PPP2R1B: variants seen among roughly 807,000 people sequenced by gnomAD.
PPP2R1B encodes serine/threonine-protein phosphatase 2A 65 kDa regulatory subunit A beta isoform.
In PPP2R1B, 58 loss-of-function variants were observed where a neutral mutation model predicts 72.7. The observed-to-expected ratio is 0.80, with a 90% CI of 0.65 to 0.99. The LOEUF (loss-of-function observed/expected upper bound fraction) is 0.99, where lower values mean the gene tolerates loss of function less well. Among genes scored for constraint, PPP2R1B ranks in the 50% least tolerant of loss-of-function variants. The pLI, the probability that PPP2R1B is intolerant of heterozygous loss-of-function variation, is 0.00. For synonymous variants in PPP2R1B, 256 were observed against 264.6 expected (o/e 0.97, Z 0.32); for missense variants, 695 against 733.6 (o/e 0.95, Z 0.61).
chr11:111,763,304 G>A (rs1259662540), intron 3 of PPP2R1B, among the ~76,000 whole-genome samples: 1 of 152,200 alleles, frequency 6.6e-6, no homozygotes, highest in Admixed American at 6.5e-5. Flanking sequence ...GCCTTTTGCA[G>A]TCTGTTCCCT....
At chr11:111,727,456 C>G (rs977309917) in intron 15 of PPP2R1B, 1 of 204,798 alleles carries the variant, frequency 4.9e-6, no homozygotes, top group Non-Finnish European at 1.0e-5. Flanking sequence ...CAGCCCTTGC[C>G]TCTTGTGTCC....
At chr11:111,756,351 T>C (rs782398966) in intron 5 of PPP2R1B, among the ~76,000 whole-genome samples, 1 of 150,290 alleles carries the variant, frequency 6.7e-6, no homozygotes, top group African/African-American at 2.4e-5. Context: ...AGAGTTTCTA[T>C]AAAGGAAATG....
intron 9 of PPP2R1B, 94 bp from the exon 10 acceptor site, chr11:111,752,426 C>T (rs969606413): frequency 1.1e-5 from 14 of 1,264,622 alleles, no homozygotes; most frequent in Non-Finnish European, 1.5e-5. Context: ...TGAGGTAAGA[C>T]TCAGGTGAAA....
chr11:111,741,885 T>G, intron 14 of PPP2R1B, 168 bp downstream of exon 14: 1 of 760,562 alleles, frequency 1.3e-6, no homozygotes, highest in Non-Finnish European at 2.3e-6. Context: ...GAGAAAATGG[T>G]GGGCCAAGAG....
At chr11:111,737,725 G>A (rs570842171), downstream of PPP2R1B, among the ~76,000 whole-genome samples, 8 of 152,352 alleles carry the variant, frequency 5.3e-5, no homozygotes, top group African/African-American at 1.9e-4. Flanking sequence ...GGCAGAGAAA[G>A]CTGGGGCAGC....
the PPP2R1B span, among the ~76,000 whole-genome samples, chr11:111,720,195 G>A: frequency 6.6e-6 from 1 of 152,190 alleles, no homozygotes; most frequent in Admixed American, 6.5e-5. Context: ...ATGTCTCTGA[G>A]TTGGCTCCCA....
chr11:111,720,820 C>T, the PPP2R1B span: 67 of 1,573,058 alleles, frequency 4.3e-5, no homozygotes, highest in Non-Finnish European at 5.6e-5. Context: ...AGTTTCTTGC[C>T]ATGTTGGTGT....
chr11:111,712,494 G>A, the PPP2R1B span: 6 of 1,086,894 alleles, frequency 5.5e-6, no homozygotes, highest in Non-Finnish European at 7.7e-6. Context: ...ACTCAGGAGT[G>A]ATGCTTTTGT....
the PPP2R1B span, among the ~76,000 whole-genome samples, chr11:111,689,036 G>C: frequency 6.6e-6 from 1 of 152,218 alleles, no homozygotes. Flanking sequence ...TTTGAACTTA[G>C]ACTTGAGAGA....
At chr11:111,735,559 G>C (rs1944315650), downstream of PPP2R1B, among the ~76,000 whole-genome samples, 1 of 152,216 alleles carries the variant, frequency 6.6e-6, no homozygotes, top group African/African-American at 2.4e-5. Context: ...GATCCTGCCT[G>C]GGTGGACACA....
chr11:111,706,909 G>A, the PPP2R1B span, among the ~76,000 whole-genome samples: 151 of 146,712 alleles, frequency 1.0e-3, no homozygotes, highest in South Asian at 1.5e-3. Flanking sequence ...GAAGTGAGCC[G>A]AGATCCCGCC....
intron 13 of PPP2R1B, 61 bp from the exon 14 acceptor site, chr11:111,742,205 G>T: frequency 7.9e-7 from 1 of 1,263,476 alleles, no homozygotes; most frequent in Non-Finnish European, 1.1e-6. Flanking sequence ...ATCCTTTTTG[G>T]TGTATATGGT....
At chr11:111,704,357 C>T in the PPP2R1B span, among the ~76,000 whole-genome samples, 1,371 of 152,270 alleles carry the variant, frequency 9.0e-3, 13 homozygotes, top group South Asian at 0.026. Context: ...TCTGTTCCCT[C>T]AATATCTGGG....
intron 7 of PPP2R1B, 135 bp from the exon 8 acceptor site, chr11:111,754,704 CTAAA>C (rs1945036261): frequency 7.1e-7 from 1 of 1,411,494 alleles, no homozygotes; most frequent in Non-Finnish European, 9.3e-7. Flanking sequence ...AGCTCTTGTT[CTAAA>C]TAAACTTTTT....
At chr11:111,710,530 C>A in the PPP2R1B span, among the ~76,000 whole-genome samples, 1 of 152,158 alleles carries the variant, frequency 6.6e-6, no homozygotes, top group Non-Finnish European at 1.5e-5. Flanking sequence ...AATCATCAAT[C>A]CAAGATTCTA....
intron 15 of PPP2R1B, among the ~76,000 whole-genome samples, chr11:111,732,370 G>C (rs1179376291): frequency 1.3e-5 from 2 of 152,150 alleles, no homozygotes; most frequent in African/African-American, 4.8e-5. Flanking sequence ...ACCAAAGTTA[G>C]GAACCCCTGA....
chr11:111,708,721 C>T, the PPP2R1B span, among the ~76,000 whole-genome samples: 2 of 151,990 alleles, frequency 1.3e-5, no homozygotes, highest in Non-Finnish European at 2.9e-5. Flanking sequence ...GTAGCTGGGA[C>T]CACAAGTGCA....
the PPP2R1B span, among the ~76,000 whole-genome samples, chr11:111,693,632 T>TA: frequency 6.6e-6 from 1 of 152,200 alleles, no homozygotes; most frequent in African/African-American, 2.4e-5. Context: ...TAAATAAGGA[T>TA]AAAAATCTAT....
intron 3 of PPP2R1B, among the ~76,000 whole-genome samples, chr11:111,764,518 C>T (rs368356531): frequency 1.3e-5 from 2 of 152,054 alleles, no homozygotes; most frequent in African/African-American, 4.8e-5. Flanking sequence ...CTTCCACCAT[C>T]GCGCGGGGGA....
Sources: gnomAD v4.1 joint callset for allele counts (sites outside exome capture counted in the v4.1 genomes callset) on GRCh38, gnomAD v4.1.1 for gene constraint, MANE v1.5 for transcripts, NCBI Gene and HGNC (gene_info 2026-07-23, HGNC 2026-07-21) for gene names.